The following P2RX5 variants were observed in gnomAD, a reference collection of about 807,000 sequenced individuals.
P2RX5 encodes the protein purinergic receptor P2X 5, also known as P2X purinoceptor 5.
In P2RX5, 46 loss-of-function variants were observed where a neutral mutation model predicts 54.1. The observed-to-expected ratio is 0.85, with a 90% confidence interval of 0.67 to 1.09. The LOEUF is 1.09. Among genes scored for constraint, P2RX5 ranks in the 50% least tolerant of loss-of-function variants. P2RX5 has a pLI of 0.00. For synonymous variants in P2RX5, 226 were observed against 226.4 expected, an observed-to-expected ratio of 1.00 and a Z score of 0.02; for missense variants, 566 against 549.8, an observed-to-expected ratio of 1.03 and a Z score of -0.29.
At chr17:3,688,575 G>A in intron 8 of P2RX5, 51 bp downstream of exon 8, 1 of 1,607,202 alleles carries the variant, frequency 6.2e-7, no homozygotes, top group East Asian at 2.2e-5. Context: ...CCAGATGAGT[G>A]AGTGCCACTG....
upstream of P2RX5, among the ~76,000 whole-genome samples, chr17:3,699,942 GAAAGAAA>G (rs1567744483): frequency 3.2e-5 from 4 of 126,884 alleles, no homozygotes; most frequent in African/African-American, 5.3e-5. Flanking sequence ...AAGAAAGAAA[GAAAGAAA>G]GAAAGAAAGA....
At chr17:3,689,853 T>C (rs2050554118) in intron 6 of P2RX5, among the ~76,000 whole-genome samples, 1 of 151,270 alleles carries the variant, frequency 6.6e-6, no homozygotes, top group Admixed American at 6.6e-5. Flanking sequence ...CACACACGCG[T>C]GCACGCACGC....
At chr17:3,716,545 G>C in the P2RX5 span, 1 of 644,356 alleles carries the variant, frequency 1.6e-6, no homozygotes. Context: ...GTCTAAATGG[G>C]GGTGTGCAGT....
chr17:3,691,963 C>G, intron 1 of P2RX5, 169 bp from the exon 2 acceptor site: 1 of 686,990 alleles, frequency 1.5e-6, no homozygotes, highest in Non-Finnish European at 2.6e-6. Context: ...GCTCCCACTG[C>G]TGACTGAAAC....
chr17:3,703,904 C>G, the P2RX5 span, among the ~76,000 whole-genome samples: 1 of 152,116 alleles, frequency 6.6e-6, no homozygotes, highest in African/African-American at 2.4e-5. Context: ...AGTTCGAGAC[C>G]AGCCTGACCA....
In P2RX5 at chr17:3,696,052, C is replaced by G. The variant is rs375370801; in HGVS notation, c.-47G>C. ...GCGGACCGCCCGGCCCACGTGCGCT[C>G]ATGGGGAGCACTCGGTCCCTCGGTC... is the stretch of plus-strand genomic sequence containing the variant. On this transcript the variant is annotated 5_prime_UTR_variant, in exon 1 of 12. The change abolishes an upstream ATG in the 5' untranslated region. Transcript: ENST00000225328. The G allele has an allele frequency of 2.3e-5, 37 of 1,605,908 alleles. No individual in the cohort carries two copies. In the African/African-American group the frequency reaches 4.3e-4, roughly 19 times the overall value.
At chr17:3,685,389 T>A (rs139566863) in intron 9 of P2RX5, 1 of 153,360 alleles carries the variant, frequency 6.5e-6, no homozygotes, top group Non-Finnish European at 1.5e-5. Context: ...CCTATTCTGA[T>A]CTTGCCAGCT....
intron 8 of P2RX5, 144 bp downstream of exon 8, chr17:3,688,482 T>C: frequency 4.5e-6 from 4 of 883,824 alleles, no homozygotes; most frequent in South Asian, 4.0e-5. Context: ...TCTGCTGGGG[T>C]CCACACCTCT....
chr17:3,716,696 G>C, the P2RX5 span: 1 of 1,587,344 alleles, frequency 6.3e-7, no homozygotes, highest in Non-Finnish European at 8.7e-7. Flanking sequence ...ACCTTGAACA[G>C]GATGACCAGA....
intron 11 of P2RX5, chr17:3,677,747 C>T (rs536483636): frequency 6.7e-5 from 66 of 985,354 alleles, no homozygotes; most frequent in Non-Finnish European, 7.7e-5. Flanking sequence ...TGCGTCAATA[C>T]ATGTTTACAG....
At chr17:3,716,516 GA>G in the P2RX5 span, among the ~76,000 whole-genome samples, 1 of 152,214 alleles carries the variant, frequency 6.6e-6, no homozygotes, top group Non-Finnish European at 1.5e-5. Context: ...TTTTCAGACA[GA>G]TACTGTTTTA....
At chr17:3,693,474 G>A (rs932431500) in intron 1 of P2RX5, among the ~76,000 whole-genome samples, 14 of 152,304 alleles carry the variant, frequency 9.2e-5, no homozygotes, top group South Asian at 8.3e-4. Context: ...AGTGGCTCCC[G>A]CCTGTCATCC....
At chr17:3,718,920 T>C in the P2RX5 span, among the ~76,000 whole-genome samples, 3 of 152,152 alleles carry the variant, frequency 2.0e-5, no homozygotes, top group Non-Finnish European at 4.4e-5. Context: ...TCCATTTCCC[T>C]CTATTTTCTG....
intron 9 of P2RX5, among the ~76,000 whole-genome samples, chr17:3,683,744 A>AG (rs2050353288): frequency 6.8e-6 from 1 of 147,728 alleles, no homozygotes; most frequent in African/African-American, 2.4e-5. Context: ...AAAAAAAAAA[A>AG]AAAAGAAAAG....
At chr17:3,680,315 A>G (rs868865353) in intron 10 of P2RX5, among the ~76,000 whole-genome samples, 16 of 28,712 alleles carry the variant, frequency 5.6e-4, no homozygotes, top group Admixed American at 1.6e-3. Context: ...TCCACCCTGC[A>G]TCCTCCACCC....
chr17:3,708,493 T>C, the P2RX5 span, among the ~76,000 whole-genome samples: 13 of 148,372 alleles, frequency 8.8e-5, no homozygotes, highest in Non-Finnish European at 1.0e-4. Context: ...GAAAAATACA[T>C]GGCCTTGCCA....
chr17:3,694,651 A>G (rs1305652938), intron 1 of P2RX5, among the ~76,000 whole-genome samples: 4 of 152,222 alleles, frequency 2.6e-5, no homozygotes, highest in Non-Finnish European at 4.4e-5. Flanking sequence ...CCCTCGTCTC[A>G]GATTTCCACA....
Position 3,681,927 on chromosome 17 carries a change from ACTCT to A in P2RX5, c.1029_1032del (p.Arg343SerfsTer11), listed in dbSNP as rs774891978. ...TCCTCGTACTTCTTGTCACGGTAAA[ACTCT>A]CTCTTTTTGATGAGGTAGATGAGTA... On this transcript the variant is annotated frameshift_variant, in exon 10 of 12. Transcript: ENST00000225328. LOFTEE classifies it high-confidence loss of function. 6.2e-7 allele frequency: 1 copy of A among 1,613,574 alleles called. No individual in the cohort carries two copies. Among genetic ancestry groups the A allele is most frequent in the Non-Finnish European group, 8.5e-7 (1 of 1,179,700 alleles).
the P2RX5 span, among the ~76,000 whole-genome samples, chr17:3,712,979 A>G: frequency 1.3e-5 from 2 of 152,156 alleles, no homozygotes; most frequent in African/African-American, 4.8e-5. Context: ...AAATGGCCAG[A>G]TAAGATAAAC....
Sources: gnomAD v4.1 joint callset for allele counts (sites outside exome capture counted in the v4.1 genomes callset) on GRCh38, gnomAD v4.1.1 for gene constraint, MANE v1.5 for transcripts, NCBI Gene and HGNC (gene_info 2026-07-23, HGNC 2026-07-21) for gene names.